The following THBS4 variants were observed in gnomAD, a reference collection of about 807,000 sequenced individuals.
THBS4 encodes the protein thrombospondin-4.
In THBS4, 90 loss-of-function variants were observed where a neutral mutation model predicts 115.7. That is an observed-to-expected ratio of 0.78 (90% CI 0.66 to 0.93). The LOEUF (loss-of-function observed/expected upper bound fraction) is 0.93, where lower values mean the gene tolerates loss of function less well. Among genes scored for constraint, THBS4 ranks in the 40% least tolerant of loss-of-function variants. The pLI is 0.00. For missense variants in THBS4, 1,087 were observed against 1,232.7 expected (o/e 0.88, Z 1.77); for synonymous variants, 460 against 479.3 (o/e 0.96, Z 0.53).
chr5:80,055,742 C>CT, intron 2 of THBS4, 43 bp from the exon 3 acceptor site: 1 of 1,581,784 alleles, frequency 6.3e-7, no homozygotes, highest in Non-Finnish European at 8.6e-7. Context: ...ACTTCCCCCT[C>CT]TGCCACTTAT....
In THBS4 at chr5:80,040,130, C is replaced by A; in HGVS notation, c.142C>A (p.Pro48Thr). 1 of 1,614,116 alleles carries A rather than the reference C, an allele frequency of 6.2e-7. No individual in the cohort carries two copies. The highest frequency in any genetic ancestry group is 8.5e-7 in the Non-Finnish European group (1 of 1,180,030). The part of the protein sequence containing the change: ...SQRLNPGALL[P>T]VLTDPALNDL... ...GAGGCTAAACCCAGGCGCTCTGCTG[C>A]CAGTCCTGACAGACCCCGCCCTGAA... Residue 48 changes from proline (P) to threonine (T), a missense_variant, in exon 2 of 22, where the codon CCA becomes ACA. Pro to Thr is a conservative substitution (Grantham distance 38). Transcript: ENST00000350881.
chr5:80,016,425 C>T (rs1018364421), intron 2 of THBS4, among the ~76,000 whole-genome samples: 1 of 152,048 alleles, frequency 6.6e-6, no homozygotes, highest in African/African-American at 2.4e-5. Flanking sequence ...TGTTCTTTTT[C>T]TGTGTTCCAC....
chr5:80,004,194 G>T (rs1425012859), intron 2 of THBS4, among the ~76,000 whole-genome samples: 1 of 152,148 alleles, frequency 6.6e-6, no homozygotes, highest in African/African-American at 2.4e-5. Context: ...TGTCATTCAG[G>T]GTTGATTTAG....
At chr5:80,062,190 C>T (rs1369029246) in intron 8 of THBS4, among the ~76,000 whole-genome samples, 1 of 152,124 alleles carries the variant, frequency 6.6e-6, no homozygotes, top group African/African-American at 2.4e-5. Flanking sequence ...AATTAGGTCA[C>T]TTTTGTAGAG....
chr5:80,083,220 C>A lies in THBS4; in HGVS notation c.*79C>A. The A allele has an allele frequency of 7.7e-7, 1 of 1,291,338 alleles. No individual in the cohort carries two copies. Among genetic ancestry groups the A allele is most frequent in the East Asian group, 2.3e-5 (1 of 43,348 alleles). 80.0% of individuals were successfully genotyped at this position (1,291,338 alleles called of 1,614,324 possible). The stretch of plus-strand genomic sequence containing the variant: ...TAACTTCAATTTTCTTTAGCTTTTA[C>A]CAACCCAAATATATCAAAACGTTTT... On this transcript the variant is annotated 3_prime_UTR_variant, in exon 22 of 22. Coordinates refer to ENST00000350881, the MANE Select transcript of THBS4 (RefSeq NM_003248.6).
chr5:80,082,255 A>ACAGTACAAT, intron 20 of THBS4, 151 bp from the exon 21 acceptor site: 2 of 1,005,442 alleles, frequency 2.0e-6, no homozygotes, highest in Non-Finnish European at 2.9e-6. Flanking sequence ...GGCAACAGCT[A>ACAGTACAAT]CAGTACAATC....
At chr5:80,080,268 C>A (rs560533941) in intron 20 of THBS4, 191 bp downstream of exon 20, 62 of 650,844 alleles carry the variant, frequency 9.5e-5, no homozygotes, top group Admixed American at 3.6e-4. Context: ...TCAGACCACC[C>A]GGACAGGACA....
chr5:80,047,583 G>C (rs1833109421), intron 2 of THBS4, among the ~76,000 whole-genome samples: 1 of 151,682 alleles, frequency 6.6e-6, no homozygotes, highest in South Asian at 2.1e-4. Context: ...TGAGGCAGGA[G>C]TATCACTTGA....
intron 2 of THBS4, among the ~76,000 whole-genome samples, chr5:80,027,703 C>T (rs1832505215): frequency 6.6e-6 from 1 of 151,880 alleles, no homozygotes; most frequent in Non-Finnish European, 1.5e-5. Context: ...CAAGACCAGC[C>T]TAGGCAATAT....
At chr5:80,082,083 T>G in intron 20 of THBS4, 1 of 257,382 alleles carries the variant, frequency 3.9e-6, no homozygotes, top group Non-Finnish European at 7.3e-6. Flanking sequence ...GATAGCAGGT[T>G]TGGTTTGGTT....
chr5:80,071,297 T>C, intron 13 of THBS4, 117 bp downstream of exon 13: 2 of 1,469,578 alleles, frequency 1.4e-6, no homozygotes, highest in Non-Finnish European at 1.8e-6. Context: ...GGGTGGCTCA[T>C]TGTGGCCTGC....
chr5:80,068,260 T>C (rs577560901), intron 10 of THBS4, 135 bp downstream of exon 10: 3 of 1,131,340 alleles, frequency 2.7e-6, no homozygotes, highest in South Asian at 1.5e-5. Flanking sequence ...TGGAGTGTAA[T>C]AGGAACAGGG....
chr5:80,011,409 C>T (rs1832123693), intron 2 of THBS4, among the ~76,000 whole-genome samples: 1 of 152,116 alleles, frequency 6.6e-6, no homozygotes, highest in Non-Finnish European at 1.5e-5. Context: ...CTGGGAAATA[C>T]AGTCTCTAGC....
chr5:80,011,898 A>T (rs1832134606), intron 2 of THBS4, among the ~76,000 whole-genome samples: 1 of 152,188 alleles, frequency 6.6e-6, no homozygotes, highest in Non-Finnish European at 1.5e-5. Context: ...AAAAAAAGAA[A>T]GAAAGAAACC....
In THBS4 at chr5:80,059,847, G is replaced by A. The variant is rs1203676794; in HGVS notation, c.929G>A (p.Cys310Tyr). ...ACCGACAGTAGAGATGGCTTCCAGT[G>A]TGGGCCCTGCCCCGAGGGCTACACA... is the stretch of plus-strand genomic sequence containing the variant. ...QCTDSRDGFQ[C>Y]GPCPEGYTGN... The change falls in exon 7 of 22, where the codon TGT (cysteine) becomes TAT (tyrosine). Residue 310 changes from cysteine to tyrosine, a missense_variant. Transcript: ENST00000350881. 6.2e-7 allele frequency: 1 copy of A among 1,613,930 alleles called. No individual in the cohort carries two copies. The highest frequency in any genetic ancestry group is 1.7e-5 in the Admixed American group (1 of 60,004).
chr5:80,035,451 C>G lies in THBS4; in HGVS notation c.-87C>G, dbSNP rs987354539. 6.1e-6 allele frequency: 6 copies of G among 980,350 alleles called. No individual in the cohort carries two copies. The highest frequency in any genetic ancestry group is 7.9e-6 in the Non-Finnish European group (6 of 762,344). The allele number at this position is 980,350 out of a possible 1,614,324, so 60.7% of individuals were successfully genotyped here. A position where few individuals can be genotyped will look rare whatever the true frequency, so the allele number is the denominator to read the frequency against. ...CCTGCGGCGCCGGCCCGGGCGCCGA[C>G]CGAGGTTCAACGCACGGCCCGGGGA... On this transcript the variant is annotated 5_prime_UTR_variant, in exon 1 of 22. Transcript: ENST00000350881. The surrounding 1 kb of genome is among the most constrained non-coding windows in gnomAD (Gnocchi z 4.6).
At chr5:79,994,516 C>T (rs572169194) in intron 1 of THBS4, among the ~76,000 whole-genome samples, 27 of 152,318 alleles carry the variant, frequency 1.8e-4, no homozygotes, top group Non-Finnish European at 3.2e-4. Flanking sequence ...ATGCCTAGCA[C>T]ACTGCAAGCC....
At chr5:80,055,661 C>G (rs1833398847) in intron 2 of THBS4, 124 bp from the exon 3 acceptor site, 5 of 1,348,138 alleles carry the variant, frequency 3.7e-6, no homozygotes, top group Non-Finnish European at 5.1e-6. Flanking sequence ...CACATTCCGT[C>G]CAGCAACCCA....
intron 2 of THBS4, among the ~76,000 whole-genome samples, chr5:80,002,556 T>C (rs915297789): frequency 1.3e-5 from 2 of 152,042 alleles, no homozygotes; most frequent in East Asian, 3.9e-4. Flanking sequence ...TGTTCATGCT[T>C]TTTCATCAAA....
Sources: allele counts gnomAD v4.1 joint callset (sites outside exome capture counted in the v4.1 genomes callset), GRCh38; gene constraint gnomAD v4.1.1; non-coding constraint Gnocchi (gnomAD v3.1); transcripts MANE v1.5; gene names NCBI Gene and HGNC (gene_info 2026-07-23, HGNC 2026-07-21).